Variants in STXBP5L observed in about 807,000 individuals in gnomAD.
The protein encoded by STXBP5L is syntaxin-binding protein 5-like.
Under a neutral mutation model 144.5 loss-of-function variants are expected in STXBP5L, and 65 were observed. The observed-to-expected ratio is 0.45, with a 90% CI of 0.37 to 0.55. The LOEUF (loss-of-function observed/expected upper bound fraction) is 0.55, where lower values mean the gene tolerates loss of function less well. Ranked by LOEUF, STXBP5L falls within the 20% of genes least tolerant of loss-of-function variation. The pLI is 0.00. For synonymous variants in STXBP5L, 505 were observed against 469.6 expected (o/e 1.08, Z -0.97); for missense variants, 1,298 against 1,405.5 (o/e 0.92, Z 1.22).
At chr3:121,342,346 A>AT (rs987291403) in intron 20 of STXBP5L, among the ~76,000 whole-genome samples, 3 of 152,006 alleles carry the variant, frequency 2.0e-5, no homozygotes, top group African/African-American at 4.8e-5. Flanking sequence ...CTAGAATACT[A>AT]TTTTTTTATT....
chr3:120,923,926 AT>A (rs542411187), intron 2 of STXBP5L, among the ~76,000 whole-genome samples: 19 of 150,232 alleles, frequency 1.3e-4, no homozygotes, highest in Admixed American at 2.7e-4. Context: ...ACTGAGAGAG[AT>A]TTTTTTTTTA....
At chr3:121,262,320 G>A (rs117533457) in intron 18 of STXBP5L, among the ~76,000 whole-genome samples, 693 of 152,260 alleles carry the variant, frequency 4.6e-3, no homozygotes, top group Non-Finnish European at 5.6e-3. Context: ...AAAGTTTAAC[G>A]TTCAAAGTCT....
intron 3 of STXBP5L, among the ~76,000 whole-genome samples, chr3:121,018,952 C>T (rs935704327): frequency 6.6e-5 from 10 of 152,212 alleles, no homozygotes; most frequent in African/African-American, 2.2e-4. Flanking sequence ...GCTTTCTCAG[C>T]TTAGAGGCTT....
At chr3:121,056,003 C>A (rs1366687030) in intron 5 of STXBP5L, among the ~76,000 whole-genome samples, 1 of 151,870 alleles carries the variant, frequency 6.6e-6, no homozygotes, top group Non-Finnish European at 1.5e-5. Context: ...TGGGGTCTCA[C>A]TGTGTTGCCT....
At chr3:120,973,498 T>C (rs950804508) in intron 3 of STXBP5L, among the ~76,000 whole-genome samples, 2 of 152,062 alleles carry the variant, frequency 1.3e-5, no homozygotes, top group Non-Finnish European at 2.9e-5. Context: ...CAGTCTATCA[T>C]TTTCTAAAAT....
intron 9 of STXBP5L, among the ~76,000 whole-genome samples, chr3:121,174,570 G>A (rs951243869): frequency 2.0e-5 from 3 of 152,126 alleles, no homozygotes; most frequent in African/African-American, 4.8e-5. Context: ...CTGAATCTTC[G>A]CTTGCTTAGG....
At chr3:121,174,847 A>C (rs945486075) in intron 9 of STXBP5L, among the ~76,000 whole-genome samples, 2 of 152,064 alleles carry the variant, frequency 1.3e-5, no homozygotes, top group African/African-American at 2.4e-5. Flanking sequence ...TCCTCTATTT[A>C]TTTTATTGAC....
intron 2 of STXBP5L, among the ~76,000 whole-genome samples, chr3:120,934,091 C>CTTTTTTTT (rs200329422): frequency 7.2e-6 from 1 of 138,078 alleles, no homozygotes; most frequent in African/African-American, 2.7e-5. Flanking sequence ...TTTTCTTTTT[C>CTTTTTTTT]TTTTTTTTTT....
chr3:121,384,402 A>T (rs1375009344), intron 22 of STXBP5L, among the ~76,000 whole-genome samples: 1 of 152,060 alleles, frequency 6.6e-6, no homozygotes, highest in African/African-American at 2.4e-5. Context: ...AGTGGCTCAC[A>T]ATTGTAATCT....
intron 7 of STXBP5L, among the ~76,000 whole-genome samples, chr3:121,127,623 A>T (rs565652859): frequency 9.9e-5 from 15 of 151,670 alleles, no homozygotes; most frequent in African/African-American, 3.4e-4. Flanking sequence ...CCCACCCTAA[A>T]TCCAGAATGA....
intron 5 of STXBP5L, among the ~76,000 whole-genome samples, chr3:121,100,722 A>G (rs1391813092): frequency 2.0e-5 from 3 of 152,062 alleles, no homozygotes; most frequent in South Asian, 4.1e-4. Flanking sequence ...TAAAGCTAGC[A>G]TCGGAAAAGA....
At chr3:121,263,656 C>T (rs1375616918) in intron 18 of STXBP5L, among the ~76,000 whole-genome samples, 1 of 151,596 alleles carries the variant, frequency 6.6e-6, no homozygotes, top group Non-Finnish European at 1.5e-5. Flanking sequence ...AAATACAGCA[C>T]GTGAAGCATA....
At chr3:120,984,527 T>G (rs1463524533) in intron 3 of STXBP5L, among the ~76,000 whole-genome samples, 1 of 151,326 alleles carries the variant, frequency 6.6e-6, no homozygotes, top group Non-Finnish European at 1.5e-5. Context: ...TTTTTTTTGG[T>G]GGGGGGAATC....
chr3:121,113,233 A>G (rs2044076710), intron 5 of STXBP5L, among the ~76,000 whole-genome samples: 1 of 152,010 alleles, frequency 6.6e-6, no homozygotes, highest in Non-Finnish European at 1.5e-5. Flanking sequence ...TTGAACCCCT[A>G]TATTTATGTC....
intron 22 of STXBP5L, among the ~76,000 whole-genome samples, chr3:121,391,153 T>C (rs1210489275): frequency 6.6e-6 from 1 of 152,228 alleles, no homozygotes; most frequent in Non-Finnish European, 1.5e-5. Flanking sequence ...CACTGATAGA[T>C]ACCCTTTCTT....
In STXBP5L at chr3:121,409,894, GT is replaced by G. The variant is rs2047077323; in HGVS notation, c.2948+2293del. Among the ~76,000 whole-genome samples the G allele has an allele frequency of 4.0e-5, 6 of 151,122 alleles. No homozygotes were observed. The South Asian group carries it at 1.3e-3, about 32-fold the overall frequency. ...GATTATTCTTTCAGGAAATTTTGTGGTTAAAAGAGAGATGAGACAGGAAAGT... is the reference window on the plus strand; with the variant it reads ...GATTATTCTTTCAGGAAATTTTGTGGTAAAAGAGAGATGAGACAGGAAAGT... On this transcript the variant is annotated intron_variant, in intron 23 of 26. Coordinates refer to ENST00000471454, the MANE Select transcript of STXBP5L (RefSeq NM_001308330.2).
chr3:121,341,264 C>A (rs1037702349), intron 20 of STXBP5L, among the ~76,000 whole-genome samples: 3 of 152,102 alleles, frequency 2.0e-5, no homozygotes, highest in East Asian at 1.9e-4. Flanking sequence ...ATGTGCTCAA[C>A]AAGCACATAA....
chr3:121,008,254 C>T (rs964895238), intron 3 of STXBP5L, among the ~76,000 whole-genome samples: 9 of 151,938 alleles, frequency 5.9e-5, no homozygotes, highest in African/African-American at 2.2e-4. Context: ...TAATCAGGGT[C>T]AGTTCCCAGT....
At chr3:121,176,091 A>C (rs2046921212) in intron 9 of STXBP5L, among the ~76,000 whole-genome samples, 1 of 152,050 alleles carries the variant, frequency 6.6e-6, no homozygotes, top group African/African-American at 2.4e-5. Context: ...CTGAAAGGAG[A>C]AATAGACAAA....
Sources: gnomAD v4.1 joint callset for allele counts (sites outside exome capture counted in the v4.1 genomes callset) on GRCh38, gnomAD v4.1.1 for gene constraint, MANE v1.5 for transcripts, NCBI Gene and HGNC (gene_info 2026-07-23, HGNC 2026-07-21) for gene names.